MYO16: variants seen among roughly 807,000 people sequenced by gnomAD.
MYO16 encodes myosin XVI.
In MYO16, 94 loss-of-function variants were observed where a neutral mutation model predicts 205.3. The observed-to-expected ratio is 0.46, with a 90% CI of 0.39 to 0.54. The LOEUF is 0.54. MYO16 is among the 20% of genes least tolerant of loss of function. The pLI is 0.00. For missense variants in MYO16, 2,315 were observed against 2,387.5 expected (o/e 0.97, Z 0.63); for synonymous variants, 988 against 954.0 (o/e 1.04, Z -0.66).
intron 23 of MYO16, among the ~76,000 whole-genome samples, chr13:109,023,723 A>G (rs1022063077): frequency 2.3e-5 from 3 of 133,200 alleles, no homozygotes; most frequent in Non-Finnish European, 4.6e-5. Context: ...AAATATATGT[A>G]TATATGCATA....
intron 16 of MYO16, among the ~76,000 whole-genome samples, chr13:108,956,665 C>G (rs35633278): frequency 0.11 from 16,212 of 152,200 alleles, 1,112 homozygotes; most frequent in Non-Finnish European, 0.16. Flanking sequence ...CTGCTTTGTA[C>G]ATATTCTAAT....
chr13:108,663,951 C>G (rs989676793), intron 1 of MYO16, among the ~76,000 whole-genome samples: 8 of 152,124 alleles, frequency 5.3e-5, no homozygotes, highest in Non-Finnish European at 1.0e-4. Flanking sequence ...GTTTTCTACA[C>G]AGATGTGAAA....
intron 16 of MYO16, among the ~76,000 whole-genome samples, chr13:108,949,112 T>C (rs944146994): frequency 3.3e-4 from 50 of 152,244 alleles, no homozygotes; most frequent in Non-Finnish European, 7.3e-5. Flanking sequence ...CAAGTCGAAT[T>C]TTATACAATT....
intron 9 of MYO16, among the ~76,000 whole-genome samples, chr13:108,841,740 A>G (rs1877253241): frequency 6.6e-6 from 1 of 152,176 alleles, no homozygotes; most frequent in African/African-American, 2.4e-5. Flanking sequence ...GAAACTTTGT[A>G]TGGAACTACA....
At chr13:109,083,017 A>G (rs577152874) in intron 27 of MYO16, among the ~76,000 whole-genome samples, 1 of 152,316 alleles carries the variant, frequency 6.6e-6, no homozygotes, top group South Asian at 2.1e-4. Flanking sequence ...AACCAGGGTA[A>G]TAAATGAAAA....
At chr13:108,926,455 C>T (rs930890341) in intron 16 of MYO16, among the ~76,000 whole-genome samples, 1 of 152,108 alleles carries the variant, frequency 6.6e-6, no homozygotes, top group African/African-American at 2.4e-5. Context: ...TGAGAAACAT[C>T]CCCAACATAT....
At chr13:108,944,732 T>C (rs1466071026) in intron 16 of MYO16, among the ~76,000 whole-genome samples, 2 of 152,194 alleles carry the variant, frequency 1.3e-5, no homozygotes, top group Non-Finnish European at 2.9e-5. Context: ...ATATATACTT[T>C]GCATGTTTTA....
chr13:109,102,930 A>C (rs1472801864), intron 28 of MYO16, among the ~76,000 whole-genome samples: 1 of 152,182 alleles, frequency 6.6e-6, no homozygotes, highest in Non-Finnish European at 1.5e-5. Context: ...AGACAAAAAA[A>C]TTAAAAGGAA....
At chr13:109,179,828 A>G (rs1012202811) in intron 34 of MYO16, among the ~76,000 whole-genome samples, 195 bp downstream of exon 34, 2 of 152,104 alleles carry the variant, frequency 1.3e-5, no homozygotes, top group African/African-American at 4.8e-5. Context: ...CTTGTTTCCA[A>G]AATAAGGAAT....
chr13:108,536,798 A>G, the MYO16 span, among the ~76,000 whole-genome samples: 35,827 of 152,064 alleles, frequency 0.24, 6,768 homozygotes, highest in African/African-American at 0.52. Context: ...ATGTCTTAAT[A>G]TATTATTATA....
intron 28 of MYO16, among the ~76,000 whole-genome samples, chr13:109,116,343 GA>G (rs990186432): frequency 3.9e-5 from 6 of 152,136 alleles, no homozygotes; most frequent in Admixed American, 3.9e-4. Flanking sequence ...TAGGCTACAT[GA>G]AAAACCCACC....
chr13:108,803,711 T>C (rs900614094), intron 6 of MYO16, among the ~76,000 whole-genome samples: 1 of 152,120 alleles, frequency 6.6e-6, no homozygotes. Flanking sequence ...TGTGCTTTCA[T>C]AGCTGAAAAA....
chr13:109,032,638 G>A (rs9514965), intron 23 of MYO16, among the ~76,000 whole-genome samples: 2,186 of 152,266 alleles, frequency 0.014, 24 homozygotes, highest in Non-Finnish European at 0.019. Context: ...GTAGACTTTG[G>A]TGTATGAAGT....
At chr13:109,016,787 CT>C (rs200548631) in intron 22 of MYO16, among the ~76,000 whole-genome samples, 163 of 151,340 alleles carry the variant, frequency 1.1e-3, no homozygotes, top group African/African-American at 3.6e-3. Context: ...GCAAATGCTG[CT>C]TTTTTTGTTG....
At chr13:108,670,880 T>A (rs1208765643) in intron 2 of MYO16, among the ~76,000 whole-genome samples, 2 of 152,236 alleles carry the variant, frequency 1.3e-5, no homozygotes, top group Non-Finnish European at 2.9e-5. Context: ...CAATATTTGT[T>A]ACATAATTAA....
chr13:108,766,216 G>A (rs189853875), intron 4 of MYO16, among the ~76,000 whole-genome samples: 270 of 150,584 alleles, frequency 1.8e-3, no homozygotes, highest in African/African-American at 6.1e-3. Context: ...AGAGAGGCAT[G>A]ACTCTGCTCA....
chr13:108,971,239 G>A (rs558874056), intron 20 of MYO16, among the ~76,000 whole-genome samples: 2 of 151,862 alleles, frequency 1.3e-5, no homozygotes, highest in South Asian at 2.1e-4. Flanking sequence ...AGAAGTTTGG[G>A]CAAGTACAGG....
At chr13:108,661,539 C>G (rs1033389629) in intron 1 of MYO16, among the ~76,000 whole-genome samples, 3 of 152,062 alleles carry the variant, frequency 2.0e-5, no homozygotes, top group Non-Finnish European at 4.4e-5. Flanking sequence ...TGTCTTCAAG[C>G]TCTAAATTTC....
chr13:108,745,004 A>C (rs1298594652), intron 4 of MYO16, among the ~76,000 whole-genome samples: 1 of 152,258 alleles, frequency 6.6e-6, no homozygotes, highest in Non-Finnish European at 1.5e-5. Context: ...GACAAGCAAT[A>C]AAGTGTCACT....
Sources: allele counts gnomAD v4.1 joint callset (sites outside exome capture counted in the v4.1 genomes callset), GRCh38; gene constraint gnomAD v4.1.1; transcripts MANE v1.5; gene names NCBI Gene and HGNC (gene_info 2026-07-23, HGNC 2026-07-21).